CCDC7: variants seen among roughly 807,000 people sequenced by gnomAD.
The protein encoded by CCDC7 is coiled-coil domain-containing protein 7.
A neutral mutation model predicts 196.9 loss-of-function variants in CCDC7; 183 were observed. The ratio of observed to expected loss-of-function variants is 0.93; its 90% CI spans 0.82 to 1.05. CCDC7 has a LOEUF of 1.05. Ranked by LOEUF, CCDC7 falls within the 50% of genes least tolerant of loss-of-function variation. The pLI is 0.00. For missense variants in CCDC7, 1,540 were observed against 1,482.2 expected (o/e 1.04, Z -0.64); for synonymous variants, 525 against 484.6 (o/e 1.08, Z -1.10).
At chr10:32,685,713 A>G (rs1036732387) in intron 21 of CCDC7, among the ~76,000 whole-genome samples, 22 of 152,216 alleles carry the variant, frequency 1.4e-4, no homozygotes, top group Non-Finnish European at 2.9e-5. Flanking sequence ...TCTATACAAT[A>G]TAAAGAACCT....
chr10:32,722,286 A>G (rs537790280), intron 25 of CCDC7, among the ~76,000 whole-genome samples: 3 of 152,262 alleles, frequency 2.0e-5, no homozygotes, highest in Admixed American at 6.5e-5. Flanking sequence ...ACTGTTATAC[A>G]TTCAGTAGTT....
intron 20 of CCDC7, among the ~76,000 whole-genome samples, chr10:32,658,689 G>A (rs2070527336): frequency 6.6e-6 from 1 of 152,148 alleles, no homozygotes; most frequent in East Asian, 1.9e-4. Flanking sequence ...AAATAAAGAA[G>A]TTCTGTCAGT....
intron 18 of CCDC7, among the ~76,000 whole-genome samples, chr10:32,587,191 C>T (rs1470780630): frequency 2.6e-5 from 4 of 152,190 alleles, no homozygotes; most frequent in Non-Finnish European, 5.9e-5. Context: ...CCAAAGGAAA[C>T]TCATTAAGCA....
chr10:32,516,008 A>C (rs2046972404), intron 9 of CCDC7, among the ~76,000 whole-genome samples: 1 of 152,002 alleles, frequency 6.6e-6, no homozygotes, highest in African/African-American at 2.4e-5. Flanking sequence ...CAAAAGAAAA[A>C]GTTAGATCAA....
At chr10:32,512,399 A>G (rs188310484) in intron 9 of CCDC7, 10 of 152,360 alleles carry the variant, frequency 6.6e-5, no homozygotes, top group Admixed American at 2.0e-4. Context: ...GCCCAAGTGC[A>G]TGCATCACAA....
At chr10:32,871,516 G>A (rs145449229) in intron 41 of CCDC7, among the ~76,000 whole-genome samples, 24,755 of 147,878 alleles carry the variant, frequency 0.17, 3,487 homozygotes, top group African/African-American at 0.3. Context: ...TCTTGCTAGC[G>A]GTCTGTCAAT....
At chr10:32,640,021 A>T (rs1322192699) in intron 20 of CCDC7, among the ~76,000 whole-genome samples, 1 of 152,050 alleles carries the variant, frequency 6.6e-6, no homozygotes, top group Non-Finnish European at 1.5e-5. Context: ...TATTCTGTTG[A>T]TTTGGGGTGG....
rs142542644 is a variant in CCDC7 at position 32,519,504 on chromosome 10, G to T, written c.993+999G>T. ...AATATATGATCTAGGATACAACAAG[G>T]TTTTCTTGTTTAATGCGTAGAAACT... On this transcript the variant is annotated intron_variant, in intron 11 of 41. Transcript: ENST00000639629. Among the ~76,000 whole-genome samples, 605 of 152,118 alleles carry T rather than the reference G, an allele frequency of 4.0e-3. 3 individuals are homozygous for T. The highest frequency in any genetic ancestry group is 0.014 in the African/African-American group (576 of 41,508).
chr10:32,853,911 G>A (rs2093656220), intron 40 of CCDC7, among the ~76,000 whole-genome samples: 1 of 151,866 alleles, frequency 6.6e-6, no homozygotes, highest in African/African-American at 2.4e-5. Context: ...AGATTCATGG[G>A]GTATATATGC....
At chr10:32,825,182 G>T (rs1260787693) in intron 32 of CCDC7, among the ~76,000 whole-genome samples, 2 of 152,216 alleles carry the variant, frequency 1.3e-5, no homozygotes, top group Non-Finnish European at 2.9e-5. Flanking sequence ...GATAAAGAGA[G>T]CCCTGTTAAA....
At chr10:32,565,708 A>G (rs1407910823) in intron 14 of CCDC7, 88 bp downstream of exon 15, 1 of 1,429,388 alleles carries the variant, frequency 7.0e-7, no homozygotes, top group African/African-American at 1.4e-5. Context: ...TTTACTTTGT[A>G]AGCTAAGAGG....
At position 32,567,603 on chromosome 10, in the gene CCDC7, G is replaced by A. The variant is rs1195152299; in HGVS notation, c.1198-67G>A. The A allele has an allele frequency of 6.7e-6, 10 of 1,489,926 alleles. No homozygotes were observed. The African/African-American group carries it at 8.5e-5, about 13-fold the overall frequency. The allele number at this position is 1,489,926 out of a possible 1,614,324, so 92.3% of individuals were successfully genotyped here. A position where few individuals can be genotyped will look rare whatever the true frequency, so the allele number is the denominator to read the frequency against. ...TAGGCGTAAATATATGTAGATTCCT[G>A]AATGTGGTAGTATTGGCAGGAAAAT... On this transcript the variant is annotated intron_variant, in intron 14 of 41. Coordinates refer to ENST00000639629, the Ensembl canonical transcript of CCDC7.
chr10:32,747,495 A>T (rs2484732), intron 28 of CCDC7, among the ~76,000 whole-genome samples: 51,899 of 152,048 alleles, frequency 0.34, 11,290 homozygotes, highest in Non-Finnish European at 0.49. Context: ...TCCAGCATCT[A>T]TATGGAACTC....
chr10:32,755,195 G>A (rs2076237054), intron 28 of CCDC7, among the ~76,000 whole-genome samples: 1 of 152,196 alleles, frequency 6.6e-6, no homozygotes, highest in African/African-American at 2.4e-5. Context: ...TGGGGGCAGG[G>A]TAGAGCTGAA....
intron 31 of CCDC7, among the ~76,000 whole-genome samples, chr10:32,823,768 T>C (rs2090660976): frequency 6.6e-6 from 1 of 152,188 alleles, no homozygotes; most frequent in Admixed American, 6.6e-5. Flanking sequence ...AGATACTAGT[T>C]TCTAAATCCA....
chr10:32,705,004 C>T (rs929053421), intron 24 of CCDC7, among the ~76,000 whole-genome samples: 8 of 152,098 alleles, frequency 5.3e-5, no homozygotes, highest in Admixed American at 2.6e-4. Context: ...CCGCTCAGTG[C>T]GCTGCGCCCA....
At chr10:32,788,932 G>A (rs755413044) in intron 29 of CCDC7, among the ~76,000 whole-genome samples, 68 of 152,240 alleles carry the variant, frequency 4.5e-4, no homozygotes, top group Admixed American at 1.1e-3. Context: ...CAGCCAATGT[G>A]GACCCAGGCT....
At chr10:32,505,831 C>T (rs1357686552) in intron 9 of CCDC7, among the ~76,000 whole-genome samples, 1 of 149,092 alleles carries the variant, frequency 6.7e-6, no homozygotes, top group East Asian at 2.0e-4. Flanking sequence ...CTCCTCACTT[C>T]CCAGATGATG....
At chr10:32,542,883 A>C (rs556517521) in intron 11 of CCDC7, among the ~76,000 whole-genome samples, 2 of 152,232 alleles carry the variant, frequency 1.3e-5, no homozygotes, top group African/African-American at 4.8e-5. Context: ...ACTGTGTACT[A>C]TAGTACTGTT....
Sources: allele counts gnomAD v4.1 joint callset (sites outside exome capture counted in the v4.1 genomes callset), GRCh38; gene constraint gnomAD v4.1.1; transcripts MANE v1.5; gene names NCBI Gene and HGNC (gene_info 2026-07-23, HGNC 2026-07-21).